The following ZFHX4 variants were observed in gnomAD, a reference collection of about 807,000 sequenced individuals.
ZFHX4 encodes zinc finger homeobox 4.
A neutral mutation model predicts 267.6 loss-of-function variants in ZFHX4; 56 were observed. The observed-to-expected ratio is 0.21, with a 90% CI of 0.17 to 0.26. ZFHX4 has a LOEUF of 0.26. ZFHX4 is among the 10% of genes least tolerant of loss of function. The pLI, the probability that ZFHX4 is intolerant of heterozygous loss-of-function variation, is 1.00. For synonymous variants in ZFHX4, 1,778 were observed against 1,665.6 expected (o/e 1.07, Z -1.64); for missense variants, 4,332 against 4,420.0 (o/e 0.98, Z 0.56).
intron 3 of ZFHX4, among the ~76,000 whole-genome samples, chr8:76,770,257 C>T (rs1482336529): frequency 3.9e-5 from 6 of 152,160 alleles, no homozygotes; most frequent in Admixed American, 2.0e-4. Context: ...TTTCCCCCAA[C>T]GTGTCCTTTA....
intron 3 of ZFHX4, among the ~76,000 whole-genome samples, chr8:76,709,139 C>T (rs990494963): frequency 2.0e-4 from 30 of 152,130 alleles, no homozygotes; most frequent in African/African-American, 6.3e-4. Flanking sequence ...AGGTTGAGGC[C>T]GTTTAGATTA....
intron 4 of ZFHX4, among the ~76,000 whole-genome samples, chr8:76,801,439 C>T: frequency 6.6e-6 from 1 of 152,074 alleles, no homozygotes; most frequent in Admixed American, 6.6e-5. Context: ...TCCATTTTAC[C>T]TCCGCATTTG....
Position 76,855,176 on chromosome 8 carries a change from T to C in ZFHX4, c.8255T>C (p.Val2752Ala), listed in dbSNP as rs767478682. ...AGTGAGAATGAATTGGCTTCTACAG[T>C]GTCAACACCTGTTAGTAAAACAGCA... is the stretch of plus-strand genomic sequence containing the variant. ...LSSENELAST[V>A]STPVSKTAEL... The change falls in exon 10 of 11, where the codon GTG becomes GCG. Residue 2752 changes from valine (V) to alanine (A), a missense_variant. By Grantham distance (64) the Val-to-Ala change is moderately conservative. Around this residue, in one of 7 missense-constraint regions of ZFHX4, gnomAD observed 1,648 missense variants for 1,625.0 expected, o/e 1.01. Coordinates refer to ENST00000651372, the MANE Select transcript of ZFHX4 (RefSeq NM_024721.5). 3 of 1,613,312 alleles carry C rather than the reference T, an allele frequency of 1.9e-6. No homozygotes were observed. The highest frequency in any genetic ancestry group is 2.2e-5 in the South Asian group (2 of 90,932).
chr8:76,741,771 C>A (rs1809322443), intron 3 of ZFHX4, among the ~76,000 whole-genome samples: 1 of 152,054 alleles, frequency 6.6e-6, no homozygotes, highest in Non-Finnish European at 1.5e-5. Flanking sequence ...CTTATATCAC[C>A]ATCTAAAACC....
intron 1 of ZFHX4, among the ~76,000 whole-genome samples, chr8:76,684,280 T>G (rs1236225623): frequency 6.6e-6 from 1 of 152,102 alleles, no homozygotes; most frequent in African/African-American, 2.4e-5. Flanking sequence ...AAGGGAATAT[T>G]TGATAGTTTT....
At chr8:76,838,927 T>G (rs529258111) in intron 5 of ZFHX4, among the ~76,000 whole-genome samples, 2 of 152,084 alleles carry the variant, frequency 1.3e-5, no homozygotes, top group South Asian at 4.2e-4. Flanking sequence ...TGGTGGTGCA[T>G]GCCTGTGGTC....
At chr8:76,785,547 T>C (rs1810664358) in intron 4 of ZFHX4, among the ~76,000 whole-genome samples, 1 of 152,180 alleles carries the variant, frequency 6.6e-6, no homozygotes, top group South Asian at 2.1e-4. Context: ...TCTTCTTTTC[T>C]GAGAAGCGTA....
Position 76,850,326 on chromosome 8 carries a change from G to A in ZFHX4, c.3928G>A (p.Ala1310Thr), listed in dbSNP as rs1323676309. The stretch of plus-strand genomic sequence containing the variant: ...TGAGAAATCAGAGCGGGACACACCT[G>A]CAGCCGTGACAGCTGAGGGGTCTGG... ...ASEKSERDTP[A>T]AVTAEGSGKY... The change falls in exon 9 of 11, where the codon GCA becomes ACA. Residue 1310 changes from alanine to threonine, a missense_variant. Around this residue, in one of 7 missense-constraint regions of ZFHX4, gnomAD observed 1,371 missense variants for 1,423.1 expected, o/e 0.96. Coordinates refer to ENST00000651372, the MANE Select transcript of ZFHX4 (RefSeq NM_024721.5). 3.1e-6 allele frequency: 5 copies of A among 1,612,930 alleles called. No homozygotes were observed. The highest frequency in any genetic ancestry group is 4.2e-6 in the Non-Finnish European group (5 of 1,179,552).
In ZFHX4 at chr8:76,856,838, C is replaced by T. The variant is rs1283511273; in HGVS notation, c.9379+538C>T. Reference sequence around the variant, plus strand: ...CATGGTTCCTAGCAGATTAATAGGACTTATGTTTGAAGTTCAACAACTAAA... The same window carrying T: ...CATGGTTCCTAGCAGATTAATAGGATTTATGTTTGAAGTTCAACAACTAAA... On this transcript the variant is annotated intron_variant, in intron 10 of 10. Coordinates refer to ENST00000651372, the MANE Select transcript of ZFHX4 (RefSeq NM_024721.5). Among the ~76,000 whole-genome samples, 3 of 152,204 alleles carry T rather than the reference C, an allele frequency of 2.0e-5. No homozygotes were observed. The East Asian group carries it at 5.8e-4, about 29-fold the overall frequency.
chr8:76,701,554 T>G (rs757688320), intron 1 of ZFHX4, among the ~76,000 whole-genome samples: 2 of 152,166 alleles, frequency 1.3e-5, no homozygotes, highest in Non-Finnish European at 2.9e-5. Context: ...TAGAGAAACA[T>G]TGAGATGATA....
intron 1 of ZFHX4, chr8:76,693,279 C>T (rs1445037639): frequency 6.6e-6 from 1 of 151,766 alleles, no homozygotes; most frequent in African/African-American, 2.4e-5. Context: ...AATCTAGGTA[C>T]TGAAAAAAAA....
chr8:76,718,718 A>G (rs1252140284), intron 3 of ZFHX4, among the ~76,000 whole-genome samples: 1 of 152,124 alleles, frequency 6.6e-6, no homozygotes, highest in Non-Finnish European at 1.5e-5. Context: ...TACTCTCTTT[A>G]AGTCACAAAA....
rs542237411 is a variant in ZFHX4, at chr8:76,730,512, C to T, written c.3093+22464C>T. ...GGTCAGGAGTTCAAGACCAGCCTGG[C>T]CAACATGGTCTCAACATCTCTACTA... On this transcript the variant is annotated intron_variant, in intron 3 of 10. Transcript: ENST00000651372. Among the ~76,000 whole-genome samples, 13 of 152,092 alleles carry T rather than the reference C, an allele frequency of 8.5e-5. No individual in the cohort carries two copies. In the Middle Eastern group the frequency reaches 0.01, roughly 119 times the overall value.
intron 3 of ZFHX4, among the ~76,000 whole-genome samples, chr8:76,732,982 A>G (rs1170553226): frequency 6.6e-6 from 1 of 151,342 alleles, no homozygotes; most frequent in African/African-American, 2.4e-5. Flanking sequence ...CACTCAGAGC[A>G]GAGACTATTT....
At chr8:76,696,373 AATG>A (rs1807957046) in intron 1 of ZFHX4, among the ~76,000 whole-genome samples, 1 of 152,088 alleles carries the variant, frequency 6.6e-6, no homozygotes, top group Admixed American at 6.6e-5. Context: ...CTTTTCCTGT[AATG>A]ATATTGAAGT....
At chr8:76,842,843 T>A in intron 6 of ZFHX4, 72 bp downstream of exon 6, 2 of 1,044,024 alleles carry the variant, frequency 1.9e-6, no homozygotes, top group Non-Finnish European at 2.8e-6. Flanking sequence ...TCCTTCACCA[T>A]CCCCCCACCC....
rs564713856 is a variant in ZFHX4, at chr8:76,681,501, A to AT, written c.-158dup. The AT allele has an allele frequency of 2.4e-3, 950 of 396,566 alleles. 3 individuals are homozygous for AT. Among genetic ancestry groups the AT allele is most frequent in the Middle Eastern group, 5.7e-3 (9 of 1,582 alleles). The allele number at this position is 396,566 out of a possible 1,614,324, so 24.6% of individuals were successfully genotyped here. ...CAATAAAGTTCGAGGATTATTTTTTATTTTTTTTGTTTTTTTAATGAACCC... is the reference window on the plus strand; with the variant it reads ...CAATAAAGTTCGAGGATTATTTTTTATTTTTTTTTGTTTTTTTAATGAACCC... On this transcript the variant is annotated 5_prime_UTR_variant, in exon 1 of 11. Coordinates refer to ENST00000651372, the MANE Select transcript of ZFHX4 (RefSeq NM_024721.5).
intron 3 of ZFHX4, among the ~76,000 whole-genome samples, chr8:76,774,466 A>AT (rs1810353166): frequency 6.6e-6 from 1 of 152,088 alleles, no homozygotes; most frequent in African/African-American, 2.4e-5. Context: ...ATGTTTTCTG[A>AT]TTTTTGAGAC....
At chr8:76,833,661 G>A (rs987378440) in intron 5 of ZFHX4, 19 of 377,784 alleles carry the variant, frequency 5.0e-5, no homozygotes, top group Non-Finnish European at 4.0e-5. Context: ...CACATGTATA[G>A]CCTCCTTCAT....
Sources: allele counts gnomAD v4.1 joint callset (sites outside exome capture counted in the v4.1 genomes callset), GRCh38; gene constraint gnomAD v4.1.1; regional missense constraint gnomAD v4.1.1; transcripts MANE v1.5; gene names NCBI Gene and HGNC (gene_info 2026-07-23, HGNC 2026-07-21).